Variants in MAST4 observed in about 807,000 individuals in gnomAD.
The protein encoded by MAST4 is microtubule-associated serine/threonine-protein kinase 4.
Under a neutral mutation model 162.7 loss-of-function variants are expected in MAST4, and 89 were observed. The ratio of observed to expected loss-of-function variants is 0.55; its 90% CI spans 0.46 to 0.65. MAST4 has a LOEUF of 0.65. Among genes scored for constraint, MAST4 ranks in the 30% least tolerant of loss-of-function variants. MAST4 has a pLI of 0.00. For missense variants in MAST4, 3,153 were observed against 3,374.0 expected, an observed-to-expected ratio of 0.93 and a Z score of 1.62; for synonymous variants, 1,479 against 1,361.1, an observed-to-expected ratio of 1.09 and a Z score of -1.91.
intron 14 of MAST4, among the ~76,000 whole-genome samples, chr5:67,127,702 G>A (rs1204236430): frequency 2.0e-5 from 3 of 152,100 alleles, no homozygotes; most frequent in South Asian, 4.1e-4. Context: ...ACCATCATCT[G>A]ATTAGGAGCA....
At chr5:67,003,081 C>T (rs1751472442) in intron 4 of MAST4, among the ~76,000 whole-genome samples, 1 of 150,328 alleles carries the variant, frequency 6.7e-6, no homozygotes, top group East Asian at 1.9e-4. Context: ...CACAGGGACA[C>T]TCTTTTGTGT....
At chr5:66,973,810 A>G (rs913116284) in intron 4 of MAST4, among the ~76,000 whole-genome samples, 4 of 152,068 alleles carry the variant, frequency 2.6e-5, no homozygotes, top group African/African-American at 9.7e-5. Flanking sequence ...TGACTCATAC[A>G]TTTTTCTATA....
chr5:67,055,223 C>T (rs1351905664), intron 5 of MAST4, among the ~76,000 whole-genome samples: 1 of 151,934 alleles, frequency 6.6e-6, no homozygotes, highest in Non-Finnish European at 1.5e-5. Flanking sequence ...ATTAAGAGAA[C>T]ATAAGGATGG....
At chr5:66,925,433 C>T (rs1038365820) in intron 4 of MAST4, among the ~76,000 whole-genome samples, 5 of 152,160 alleles carry the variant, frequency 3.3e-5, no homozygotes, top group Admixed American at 1.3e-4. Flanking sequence ...CTCTAAACAA[C>T]ACATTTAATA....
chr5:66,635,576 A>G (rs928699286), intron 1 of MAST4, among the ~76,000 whole-genome samples: 2 of 152,260 alleles, frequency 1.3e-5, no homozygotes, highest in South Asian at 4.1e-4. Context: ...CATGTGCATC[A>G]AAACAAACTG....
chr5:66,989,488 C>G (rs893382928), intron 4 of MAST4, among the ~76,000 whole-genome samples: 1 of 152,150 alleles, frequency 6.6e-6, no homozygotes, highest in Non-Finnish European at 1.5e-5. Flanking sequence ...TGGGCAGAGT[C>G]TGTGGTATTC....
chr5:67,108,455 A>G (rs1355994343), intron 10 of MAST4, among the ~76,000 whole-genome samples: 3 of 152,150 alleles, frequency 2.0e-5, no homozygotes, highest in South Asian at 2.1e-4. Flanking sequence ...CCAAAAATCT[A>G]TTTTTGTTGC....
intron 2 of MAST4, among the ~76,000 whole-genome samples, chr5:66,768,154 A>G (rs1754187854): frequency 6.6e-6 from 1 of 152,208 alleles, no homozygotes; most frequent in African/African-American, 2.4e-5. Flanking sequence ...GAAAATGTGC[A>G]ATGAAAGGGA....
chr5:66,814,521 G>C (rs1349431046), intron 3 of MAST4, among the ~76,000 whole-genome samples: 1 of 152,172 alleles, frequency 6.6e-6, no homozygotes, highest in Admixed American at 6.5e-5. Flanking sequence ...TTTCTCATTA[G>C]ATGATCCTCT....
intron 2 of MAST4, among the ~76,000 whole-genome samples, chr5:66,786,799 T>G (rs531507487): frequency 4.3e-4 from 65 of 152,328 alleles, no homozygotes; most frequent in Middle Eastern, 3.4e-3. Context: ...GTCTGAATGT[T>G]TTTGAGATGG....
At chr5:66,942,743 G>A (rs1313938878) in intron 4 of MAST4, among the ~76,000 whole-genome samples, 1 of 152,132 alleles carries the variant, frequency 6.6e-6, no homozygotes, top group Admixed American at 6.6e-5. Context: ...TTGAATAAGG[G>A]TAGTTATGTC....
intron 23 of MAST4, among the ~76,000 whole-genome samples, chr5:67,148,351 A>T (rs1771357317): frequency 6.6e-6 from 1 of 152,196 alleles, no homozygotes; most frequent in African/African-American, 2.4e-5. Flanking sequence ...ACACGATAGA[A>T]AACCGATAAC....
At chr5:66,895,538 T>G (rs1340861527) in intron 3 of MAST4, among the ~76,000 whole-genome samples, 1 of 152,116 alleles carries the variant, frequency 6.6e-6, no homozygotes, top group Admixed American at 6.5e-5. Flanking sequence ...TCCATCAAAC[T>G]CCATTTGCTC....
chr5:67,102,700 A>G, intron 9 of MAST4, 89 bp downstream of exon 9: 2 of 1,007,340 alleles, frequency 2.0e-6, no homozygotes, highest in Non-Finnish European at 3.2e-6. Context: ...ATAGGAAGTA[A>G]GGGTCCAATC....
chr5:66,788,823 T>C lies in MAST4; in HGVS notation c.642+29T>C, dbSNP rs377416224. On this transcript the variant is annotated intron_variant, in intron 3 of 28. Coordinates refer to ENST00000403625, the MANE Select transcript of MAST4 (RefSeq NM_001164664.2). ...AGTGTCCGCGGGCGCCGGTGGAGGC[T>C]GCTCCAGCTCACCACCTCTCTAGGG... is the stretch of plus-strand genomic sequence containing the variant. 73 of 1,524,794 alleles carry C rather than the reference T, an allele frequency of 4.8e-5. No individual in the cohort carries two copies. In the African/African-American group the frequency reaches 8.9e-4, roughly 19 times the overall value. 94.5% of individuals were successfully genotyped at this position (1,524,794 alleles called of 1,614,324 possible).
chr5:67,165,771 C>T lies in MAST4; in HGVS notation c.6592C>T (p.Pro2198Ser), dbSNP rs1259641843. The T allele has an allele frequency of 1.2e-6, 2 of 1,601,908 alleles. No individual in the cohort carries two copies. Among genetic ancestry groups the T allele is most frequent in the Non-Finnish European group, 1.7e-6 (2 of 1,174,670 alleles). Reference protein sequence around the residue: ...ESSSHKPRPGPDPGPPKTKHP... With the variant: ...ESSSHKPRPGSDPGPPKTKHP... Reference sequence around the variant, plus strand: ...CAGCAGCCACAAGCCCCGGCCTGGCCCTGACCCGGGCCCTCCAAAGACTAA... The same window carrying T: ...CAGCAGCCACAAGCCCCGGCCTGGCTCTGACCCGGGCCCTCCAAAGACTAA... Residue 2198 changes from proline (P) to serine (S), a missense_variant, in exon 29 of 29, where the codon CCT becomes TCT. Pro to Ser is a moderately conservative substitution (Grantham distance 74, BLOSUM62 -1). Coordinates refer to ENST00000403625, the MANE Select transcript of MAST4 (RefSeq NM_001164664.2).
chr5:66,618,660 C>G (rs1434129585), intron 1 of MAST4, among the ~76,000 whole-genome samples: 1 of 126,832 alleles, frequency 7.9e-6, no homozygotes, highest in African/African-American at 2.7e-5. Context: ...CTAGATGCGA[C>G]TTTTGATGTT....
At chr5:67,086,835 G>T (rs1270897375) in intron 5 of MAST4, among the ~76,000 whole-genome samples, 4 of 152,200 alleles carry the variant, frequency 2.6e-5, no homozygotes, top group African/African-American at 9.6e-5. Context: ...TCATCCTGGG[G>T]AAGCACTGTG....
Position 67,152,858 on chromosome 5 carries a change from A to G in MAST4, c.3517A>G (p.Ile1173Val). Reference sequence around the variant, plus strand: ...CAGTGACATCTATACAGTGCACCATATCGTCTGGGTAAGACCTGCATGTCT... The same window carrying G: ...CAGTGACATCTATACAGTGCACCATGTCGTCTGGGTAAGACCTGCATGTCT... ...GDSDIYTVHH[I>V]VWNVEEGSPA... is the part of the protein sequence containing the mutation. Residue 1173 changes from isoleucine (I) to valine (V), a missense_variant, in exon 25 of 29, where the codon ATC becomes GTC. Transcript: ENST00000403625. 3 of 1,613,298 alleles carry G rather than the reference A, an allele frequency of 1.9e-6. No homozygotes were observed. Among genetic ancestry groups the G allele is most frequent in the Middle Eastern group, 3.3e-4 (2 of 6,062 alleles).
Sources: gnomAD v4.1 joint callset for allele counts (sites outside exome capture counted in the v4.1 genomes callset) on GRCh38, gnomAD v4.1.1 for gene constraint, MANE v1.5 for transcripts, NCBI Gene and HGNC (gene_info 2026-07-23, HGNC 2026-07-21) for gene names.